Variants in NBDY observed in about 807,000 individuals in gnomAD.
NBDY encodes negative regulator of P-body association, also known as P-body dissociating protein.
intron 2 of NBDY, among the ~76,000 whole-genome samples, chrX:56,781,440 G>A (rs1283316501): frequency 9.0e-6 from 1 of 111,701 alleles, no homozygotes; most frequent in Non-Finnish European, 1.9e-5. Context: ...GTGCAGACGC[G>A]GTACAGACCC....
At chrX:56,809,603 G>T (rs1313772883) in intron 2 of NBDY, among the ~76,000 whole-genome samples, 1 of 111,703 alleles carries the variant, frequency 9.0e-6, no homozygotes, top group Non-Finnish European at 1.9e-5. Flanking sequence ...CTTTCCATTT[G>T]CTTGGTAAGT....
chrX:56,750,401 T>C (rs1395788047), intron 2 of NBDY, among the ~76,000 whole-genome samples: 1 of 111,393 alleles, frequency 9.0e-6, no homozygotes, highest in Non-Finnish European at 1.9e-5. Flanking sequence ...AATTGAGTGG[T>C]TCCTGAATCT....
At chrX:56,733,992 T>A (rs189393496) in intron 2 of NBDY, among the ~76,000 whole-genome samples, 1 of 112,602 alleles carries the variant, frequency 8.9e-6, no homozygotes, top group East Asian at 2.8e-4. Context: ...CTGAATCTTT[T>A]CATAAGTTAA....
intron 2 of NBDY, among the ~76,000 whole-genome samples, chrX:56,767,173 C>A (rs1219141311): frequency 5.3e-5 from 6 of 113,523 alleles, no homozygotes; most frequent in African/African-American, 1.6e-4. Flanking sequence ...CATGATTATA[C>A]GTCCTTTCTC....
In NBDY at chrX:56,782,611, T is replaced by A. The variant is rs780791719; in HGVS notation, c.*167-34709T>A. ...GTGAAATGTCATGGTGAACAGATCC[T>A]TTACCCAGTTCCTCATGGCTTGCTG... is the stretch of plus-strand genomic sequence containing the variant. On this transcript the variant is annotated intron_variant, in intron 2 of 2. Coordinates refer to ENST00000374922, the MANE Select transcript of NBDY (RefSeq NM_001348129.2). Among the ~76,000 whole-genome samples, 35 of 112,379 alleles carry A rather than the reference T, an allele frequency of 3.1e-4. 1 individual carries two copies. The highest frequency in any genetic ancestry group is 5.6e-4 in the Admixed American group (6 of 10,660).
At chrX:56,737,294 A>C in intron 2 of NBDY, 1 of 989,824 alleles carries the variant, frequency 1.0e-6, no homozygotes, top group Non-Finnish European at 1.4e-6. Context: ...AACCTCTTGC[A>C]CATACAGTTC....
At chrX:56,793,944 C>T (rs1224778817) in intron 2 of NBDY, among the ~76,000 whole-genome samples, 1 of 112,062 alleles carries the variant, frequency 8.9e-6, no homozygotes, top group Non-Finnish European at 1.9e-5. Context: ...CCCCTGTGGC[C>T]CCCCAAGGGC....
chrX:56,749,634 C>CTTCT (rs1410609547), intron 2 of NBDY, among the ~76,000 whole-genome samples: 6 of 92,578 alleles, frequency 6.5e-5, no homozygotes, highest in Non-Finnish European at 1.3e-4. Context: ...CTAGTGTTGT[C>CTTCT]ATGTCCCCAC....
At chrX:56,748,707 A>G (rs1419928417) in intron 2 of NBDY, among the ~76,000 whole-genome samples, 1 of 106,315 alleles carries the variant, frequency 9.4e-6, no homozygotes, top group African/African-American at 3.4e-5. Flanking sequence ...TAGAGGGTTC[A>G]GTACTGAAAA....
chrX:56,795,049 C>T (rs183807935), intron 2 of NBDY, among the ~76,000 whole-genome samples: 37 of 112,059 alleles, frequency 3.3e-4, no homozygotes, highest in African/African-American at 1.2e-3. Context: ...AGCCACTTGG[C>T]ATGTCTGATA....
At chrX:56,752,276 T>C (rs2069589616) in intron 2 of NBDY, among the ~76,000 whole-genome samples, 1 of 112,217 alleles carries the variant, frequency 8.9e-6, no homozygotes, top group Admixed American at 9.4e-5. Flanking sequence ...CTTTGAGAAA[T>C]CTAAACTGCT....
chrX:56,785,603 G>A (rs1353638907), intron 2 of NBDY, among the ~76,000 whole-genome samples: 1 of 111,310 alleles, frequency 9.0e-6, no homozygotes, highest in Non-Finnish European at 1.9e-5. Flanking sequence ...TGGTGTGTGC[G>A]GGATGGGGTT....
intron 2 of NBDY, among the ~76,000 whole-genome samples, chrX:56,761,571 C>T (rs1274337963): frequency 3.5e-5 from 4 of 113,176 alleles, no homozygotes; most frequent in Admixed American, 9.2e-5. Flanking sequence ...CATTCTTGTT[C>T]GCTGTCATCC....
chrX:56,766,706 G>C (rs1239287067), intron 2 of NBDY, among the ~76,000 whole-genome samples: 3 of 111,753 alleles, frequency 2.7e-5, no homozygotes, highest in Non-Finnish European at 5.6e-5. Context: ...GAATGAATTC[G>C]GGAAGTCTGT....
At chrX:56,809,690 G>C (rs2069875121) in intron 2 of NBDY, among the ~76,000 whole-genome samples, 1 of 111,647 alleles carries the variant, frequency 9.0e-6, no homozygotes, top group African/African-American at 3.3e-5. Context: ...CACACCAATG[G>C]GTCCTAACTC....
chrX:56,786,781 C>T (rs2069731450), intron 2 of NBDY, among the ~76,000 whole-genome samples: 3 of 110,906 alleles, frequency 2.7e-5, no homozygotes, highest in Admixed American at 1.9e-4. Context: ...GAGACTGCTT[C>T]TTCTTTTGCT....
At position 56,783,686 on chromosome X, in the gene NBDY, GGCAAGTGTCCCT is replaced by G. The variant is rs772731684; in HGVS notation, c.*167-33630_*167-33619del. On this transcript the variant is annotated intron_variant, in intron 2 of 2. Transcript: ENST00000374922. Reference sequence around the variant, plus strand: ...TCGCGGATCTCTGTGCCTGGCAGAAGGCAAGTGTCCCTGCAGCCTGTTGTCATGTTCAGAAAC... The same window carrying G: ...TCGCGGATCTCTGTGCCTGGCAGAAGGCAGCCTGTTGTCATGTTCAGAAAC... Among the ~76,000 whole-genome samples the G allele has an allele frequency of 5.3e-5, 6 of 112,739 alleles. No individual in the cohort carries two copies. In the East Asian group the frequency reaches 1.7e-3, roughly 32 times the overall value.
chrX:56,799,422 C>T (rs975378904), intron 2 of NBDY, among the ~76,000 whole-genome samples: 2 of 113,302 alleles, frequency 1.8e-5, no homozygotes, highest in Non-Finnish European at 3.7e-5. Flanking sequence ...GGGGAAGCTC[C>T]GCCCACTGGG....
At chrX:56,759,218 G>A (rs899575691) in intron 2 of NBDY, among the ~76,000 whole-genome samples, 7 of 112,102 alleles carry the variant, frequency 6.2e-5, no homozygotes, top group Admixed American at 3.8e-4. Flanking sequence ...AAATCCTTGT[G>A]TAAGCCAGCT....
Sources: allele counts gnomAD v4.1 joint callset (sites outside exome capture counted in the v4.1 genomes callset), GRCh38; gene constraint gnomAD v4.1.1; transcripts MANE v1.5; gene names NCBI Gene and HGNC (gene_info 2026-07-23, HGNC 2026-07-21).